USP38: variants seen among roughly 807,000 people sequenced by gnomAD.
The protein encoded by USP38 is ubiquitin specific peptidase 38, also known as ubiquitin carboxyl-terminal hydrolase 38.
A neutral mutation model predicts 94.3 loss-of-function variants in USP38; 49 were observed. The observed-to-expected ratio is 0.52, with a 90% CI of 0.41 to 0.66. The LOEUF is 0.66. Ranked by LOEUF, USP38 falls within the 30% of genes least tolerant of loss-of-function variation. The pLI, the probability that USP38 is intolerant of heterozygous loss-of-function variation, is 0.00. For missense variants in USP38, 1,128 were observed against 1,229.4 expected, an observed-to-expected ratio of 0.92 and a Z score of 1.23; for synonymous variants, 468 against 463.6, an observed-to-expected ratio of 1.01 and a Z score of -0.12.
intron 4 of USP38, among the ~76,000 whole-genome samples, chr4:143,201,243 C>A (rs910409668): frequency 2.0e-5 from 3 of 152,170 alleles, no homozygotes; most frequent in African/African-American, 4.8e-5. Flanking sequence ...CTATGACCAT[C>A]TGATCTTGAC....
At chr4:143,187,333 G>C (rs893786240) in intron 1 of USP38, among the ~76,000 whole-genome samples, 2 of 152,068 alleles carry the variant, frequency 1.3e-5, no homozygotes, top group Non-Finnish European at 1.5e-5. Context: ...TGAAGTGGGA[G>C]TTGAAATGAT....
In USP38 at chr4:143,213,672, G is replaced by C; in HGVS notation, c.1696G>C (p.Ala566Pro). The part of the protein sequence containing the change: ...ECSETSLQEV[A>P]SKAAVLTETP... ...CAGTGAAACTTCTTTACAGGAAGTA[G>C]CTAGTAAAGCAGCAGTACTAACAGA... The change falls in exon 9 of 10, where the codon GCT becomes CCT. Residue 566 changes from alanine (A) to proline (P), a missense_variant. Ala to Pro is a conservative substitution (Grantham distance 27). Coordinates refer to ENST00000307017, the MANE Select transcript of USP38 (RefSeq NM_032557.6). The C allele has an allele frequency of 6.2e-7, 1 of 1,613,524 alleles. No homozygotes were observed.
At chr4:143,212,075 G>A (rs376861773) in intron 7 of USP38, among the ~76,000 whole-genome samples, 5 of 152,068 alleles carry the variant, frequency 3.3e-5, no homozygotes, top group African/African-American at 1.2e-4. Flanking sequence ...GTATGACCCT[G>A]GGCAAGTCAC....
chr4:143,208,677 T>A (rs574295391), intron 6 of USP38, among the ~76,000 whole-genome samples: 4 of 152,212 alleles, frequency 2.6e-5, no homozygotes, highest in African/African-American at 9.6e-5. Context: ...GTTTTCATGT[T>A]GCTTTATATA....
chr4:143,196,557 T>G (rs1041012317), intron 3 of USP38, among the ~76,000 whole-genome samples: 1 of 152,186 alleles, frequency 6.6e-6, no homozygotes, highest in Non-Finnish European at 1.5e-5. Flanking sequence ...CTCCTGATTT[T>G]TGTCCTCCTT....
At position 143,185,620 on chromosome 4, in the gene USP38, A is replaced by T; in HGVS notation, c.170A>T (p.Gln57Leu). Residue 57 changes from glutamine to leucine, a missense_variant, in exon 1 of 10, where the codon CAG becomes CTG. Physicochemically the swap from Gln to Leu is moderately radical, Grantham distance 113. Transcript: ENST00000307017. ...ATCCTGGAGGGCCAGGACCCTTTCC[A>T]GCGGCAGGTGGGGCACCAGGTGCTG... Reference protein sequence around the residue: ...RLILEGQDPFQRQVGHQVLEA... With the variant: ...RLILEGQDPFLRQVGHQVLEA... The T allele has an allele frequency of 6.2e-7, 1 of 1,614,128 alleles. No individual in the cohort carries two copies. The highest frequency in any genetic ancestry group is 8.5e-7 in the Non-Finnish European group (1 of 1,180,004).
chr4:143,203,594 T>C, intron 5 of USP38, 28 bp downstream of exon 5: 1 of 1,593,816 alleles, frequency 6.3e-7, no homozygotes, highest in South Asian at 1.2e-5. Context: ...CCAATATTTG[T>C]GGAGTTGTGT....
chr4:143,207,188 A>G (rs1362543107), intron 6 of USP38, among the ~76,000 whole-genome samples: 2 of 152,216 alleles, frequency 1.3e-5, no homozygotes, highest in African/African-American at 4.8e-5. Flanking sequence ...AGGTTTACAA[A>G]TTAAGTTCTA....
At chr4:143,187,259 A>AT (rs1291548520) in intron 1 of USP38, among the ~76,000 whole-genome samples, 2 of 152,236 alleles carry the variant, frequency 1.3e-5, no homozygotes, top group South Asian at 2.1e-4. Flanking sequence ...ACTTTAAGAG[A>AT]TTTTTTAAAA....
rs185635592 is a variant in USP38, at chr4:143,206,428, G to A, written c.1403+202G>A. Among the ~76,000 whole-genome samples, 169 of 152,296 alleles carry A rather than the reference G, an allele frequency of 1.1e-3. 1 individual carries two copies. Among genetic ancestry groups the A allele is most frequent in the African/African-American group, 3.9e-3 (162 of 41,564 alleles). ...CATTAGGCTGGGTGTGGTGGCTCAC[G>A]CCTGTAATCCCAGCACTTTGGGAGG... On this transcript the variant is annotated intron_variant, in intron 6 of 9. Transcript: ENST00000307017.
At position 143,185,939 on chromosome 4, in the gene USP38, G is replaced by T. The variant is rs1294911888; in HGVS notation, c.489G>T (p.Leu163Phe). Residue 163 changes from leucine to phenylalanine, a missense_variant, in exon 1 of 10, where the codon TTG becomes TTT. Transcript: ENST00000307017. ...TGCAATGCATCCCCAAGGGGAAATTGTCCATCACGTTCTGTCAACAGCTGG... is the reference window on the plus strand; with the variant it reads ...TGCAATGCATCCCCAAGGGGAAATTTTCCATCACGTTCTGTCAACAGCTGG... ...DFVQCIPKGK[L>F]SITFCQQLVR... 1.9e-6 allele frequency: 3 copies of T among 1,614,160 alleles called. No homozygotes were observed. In the Admixed American group the frequency reaches 5.0e-5, roughly 27 times the overall value.
intron 3 of USP38, among the ~76,000 whole-genome samples, chr4:143,196,767 T>C (rs922020984): frequency 1.2e-4 from 18 of 152,218 alleles, no homozygotes; most frequent in Admixed American, 3.9e-4. Flanking sequence ...TATCCATCTG[T>C]CTTTACATGA....
At chr4:143,196,170 A>G (rs1345963213) in intron 3 of USP38, among the ~76,000 whole-genome samples, 2 of 151,976 alleles carry the variant, frequency 1.3e-5, no homozygotes, top group African/African-American at 2.4e-5. Context: ...GGTTGGCATA[A>G]TGGTTCATGC....
intron 2 of USP38, among the ~76,000 whole-genome samples, chr4:143,191,745 C>G (rs187275408): frequency 1.3e-5 from 2 of 152,266 alleles, no homozygotes; most frequent in East Asian, 3.9e-4. Context: ...AGCTCACAGT[C>G]TAATGGAGAC....
intron 4 of USP38, 82 bp downstream of exon 4, chr4:143,198,006 G>C: frequency 1.1e-6 from 1 of 946,654 alleles, no homozygotes; most frequent in Non-Finnish European, 1.6e-6. Context: ...TTTTTATGTA[G>C]TGAAAATATT....
chr4:143,223,469 A>G lies in USP38; in HGVS notation c.*3013A>G, dbSNP rs953096257. On this transcript the variant is annotated 3_prime_UTR_variant, in exon 10 of 10. Transcript: ENST00000307017. ...ATTTTCAAGCTAAGTCTTAAGTTCA[A>G]ATCTATAATTTTTTTCTCTTCAGTT... is the stretch of plus-strand genomic sequence containing the variant. The G allele has an allele frequency of 6.6e-6, 1 of 152,142 alleles. No homozygotes were observed. The highest frequency in any genetic ancestry group is 6.6e-5 in the Admixed American group (1 of 15,258). The allele number at this position is 152,142 out of a possible 1,614,324, so 9.4% of individuals were successfully genotyped here.
At position 143,185,333 on chromosome 4, in the gene USP38, G is replaced by C. The variant is rs1283417757; in HGVS notation, c.-118G>C. ...GCTGAGGCGGCGGTGGCCGTGGCCC[G>C]TCGCGCTGCTGCTGCGGCGCTCCAA... On this transcript the variant is annotated 5_prime_UTR_variant, in exon 1 of 10. Coordinates refer to ENST00000307017, the MANE Select transcript of USP38 (RefSeq NM_032557.6). 8.5e-7 allele frequency: 1 copy of C among 1,177,734 alleles called. No homozygotes were observed. The highest frequency in any genetic ancestry group is 1.5e-5 in the African/African-American group (1 of 64,664). 73.0% of individuals were successfully genotyped at this position (1,177,734 alleles called of 1,614,324 possible).
At position 143,187,936 on chromosome 4, in the gene USP38, G is replaced by T; in HGVS notation, c.793G>T (p.Ala265Ser). ...SLTTDPNVKDASMTQALCRMI... is the reference protein window; with the variant it reads ...SLTTDPNVKDSSMTQALCRMI... ...TACTACGGATCCAAATGTAAAAGAT[G>T]CAAGTATGACCCAAGCCCTTTGCAG... Residue 265 changes from alanine to serine, a missense_variant, in exon 2 of 10, where the codon GCA becomes TCA. Transcript: ENST00000307017. 6.2e-7 allele frequency: 1 copy of T among 1,613,574 alleles called. No individual in the cohort carries two copies.
At chr4:143,219,560 C>G (rs61310654) in intron 9 of USP38, among the ~76,000 whole-genome samples, 4,666 of 152,006 alleles carry the variant, frequency 0.031, 257 homozygotes, top group African/African-American at 0.11. Flanking sequence ...ACTTTTAGAC[C>G]TTATTTTTAC....
Sources: gnomAD v4.1 joint callset for allele counts (sites outside exome capture counted in the v4.1 genomes callset) on GRCh38, gnomAD v4.1.1 for gene constraint, MANE v1.5 for transcripts, NCBI Gene and HGNC (gene_info 2026-07-23, HGNC 2026-07-21) for gene names.